NLK: variants seen among roughly 807,000 people sequenced by gnomAD.
NLK encodes the protein nemo like kinase, also known as serine/threonine-protein kinase NLK.
Under a neutral mutation model 59.0 loss-of-function variants are expected in NLK, and 11 were observed. The ratio of observed to expected loss-of-function variants is 0.19; its 90% confidence interval spans 0.12 to 0.31. The LOEUF is 0.31. Ranked by LOEUF, NLK falls within the 10% of genes least tolerant of loss-of-function variation. NLK has a pLI of 1.00. For missense variants in NLK, 410 were observed against 661.1 expected, an observed-to-expected ratio of 0.62 and a Z score of 4.16; for synonymous variants, 235 against 235.9, an observed-to-expected ratio of 1.00 and a Z score of 0.03.
At chr17:28,076,941 CTGATA>C (rs1279845220) in intron 1 of NLK, among the ~76,000 whole-genome samples, 4 of 152,016 alleles carry the variant, frequency 2.6e-5, no homozygotes, top group African/African-American at 2.4e-5. Context: ...TATATTCAGT[CTGATA>C]TAAGTAAAAT....
chr17:28,192,306 A>G (rs1909333561), intron 10 of NLK, 93 bp downstream of exon 10: 1 of 708,472 alleles, frequency 1.4e-6, no homozygotes, highest in Admixed American at 2.6e-5. Flanking sequence ...TATTTAGATA[A>G]CATAGATAAA....
At chr17:28,198,615 G>A (rs534324185), downstream of NLK, among the ~76,000 whole-genome samples, 27 of 152,282 alleles carry the variant, frequency 1.8e-4, no homozygotes, top group African/African-American at 5.8e-4. Context: ...GTGAGCCACC[G>A]TGCCTGGCCA....
At chr17:28,101,884 G>A (rs1168995840) in intron 1 of NLK, among the ~76,000 whole-genome samples, 3 of 151,972 alleles carry the variant, frequency 2.0e-5, no homozygotes, top group African/African-American at 7.3e-5. Flanking sequence ...GGTATAAAAT[G>A]TCTCTATTTC....
chr17:28,043,882 A>G (rs918195173), intron 1 of NLK, among the ~76,000 whole-genome samples: 13 of 152,240 alleles, frequency 8.5e-5, no homozygotes, highest in African/African-American at 3.1e-4. Context: ...TTTAAACCAT[A>G]AAGCTACAGT....
intron 1 of NLK, chr17:28,061,904 C>T (rs1026034429): frequency 7.9e-5 from 11 of 138,904 alleles, no homozygotes; most frequent in Non-Finnish European, 1.5e-4. Flanking sequence ...CATATACATA[C>T]ATATATACAT....
intron 3 of NLK, among the ~76,000 whole-genome samples, chr17:28,144,505 G>A (rs1425303658): frequency 6.6e-6 from 1 of 151,806 alleles, no homozygotes; most frequent in Non-Finnish European, 1.5e-5. Flanking sequence ...AATGCTGTCA[G>A]TGCTCCCAAC....
rs1320609140 is a variant in NLK, at chr17:28,062,292, C to T, written c.458+18961C>T. Reference sequence around the variant, plus strand: ...CCTCATGATCAAAAGAGTTCTGTGTCTAATACTAACTTTTTGACCATTTCC... The same window carrying T: ...CCTCATGATCAAAAGAGTTCTGTGTTTAATACTAACTTTTTGACCATTTCC... On this transcript the variant is annotated intron_variant, in intron 1 of 10. Coordinates refer to ENST00000407008, the MANE Select transcript of NLK (RefSeq NM_016231.5). Among the ~76,000 whole-genome samples the T allele has an allele frequency of 2.6e-5, 4 of 152,064 alleles. No individual in the cohort carries two copies. In the East Asian group the frequency reaches 7.7e-4, roughly 29 times the overall value.
intron 1 of NLK, among the ~76,000 whole-genome samples, chr17:28,113,571 C>T (rs534365198): frequency 6.6e-6 from 1 of 152,196 alleles, no homozygotes; most frequent in Non-Finnish European, 1.5e-5. Context: ...GGGAGTGTCT[C>T]TTAGCATGCT....
rs1038611279 is a variant in NLK, at chr17:28,189,996, G to A, written c.1237-1025G>A. On this transcript the variant is annotated intron_variant, in intron 8 of 10. Transcript: ENST00000407008. ...TGATAAAAGTGTTTTTAGGGAATCCGGGCTTATGAGAAACATTTCATTATT... is the reference window on the plus strand; with the variant it reads ...TGATAAAAGTGTTTTTAGGGAATCCAGGCTTATGAGAAACATTTCATTATT... Among the ~76,000 whole-genome samples the A allele has an allele frequency of 1.1e-4, 17 of 151,820 alleles. 1 individual carries two copies. The highest frequency in any genetic ancestry group is 9.2e-4 in the Admixed American group (14 of 15,246).
intron 1 of NLK, among the ~76,000 whole-genome samples, chr17:28,068,453 T>G (rs1328306929): frequency 6.6e-6 from 1 of 152,194 alleles, no homozygotes; most frequent in Admixed American, 6.5e-5. Context: ...AAAATGATAT[T>G]TGTTTTTAGG....
intron 3 of NLK, among the ~76,000 whole-genome samples, chr17:28,150,740 T>C (rs1334805620): frequency 1.3e-5 from 2 of 152,174 alleles, no homozygotes; most frequent in East Asian, 3.9e-4. Context: ...ACTTAACTAA[T>C]TGCTGCAATC....
chr17:28,111,899 GTGTGTGTGTGT>G (rs1567717092), intron 1 of NLK, among the ~76,000 whole-genome samples: 253 of 76,202 alleles, frequency 3.3e-3, no homozygotes, highest in African/African-American at 0.013. Flanking sequence ...TGTGTGTGGT[GTGTGTGTGTGT>G]GTGTGTGTGT....
At position 28,160,140 on chromosome 17, in the gene NLK, A is replaced by G. The variant is rs116588529; in HGVS notation, c.645-1020A>G. ...TAAAGGCATGGCACTGGATCCGAGT[A>G]TCCACGAGTGTGGATAGGGAAGAGG... is the stretch of plus-strand genomic sequence containing the variant. On this transcript the variant is annotated intron_variant, in intron 3 of 10. Coordinates refer to ENST00000407008, the MANE Select transcript of NLK (RefSeq NM_016231.5). Among the ~76,000 whole-genome samples the G allele has an allele frequency of 6.3e-3, 960 of 152,346 alleles. 7 individuals carry two copies. Among genetic ancestry groups the G allele is most frequent in the African/African-American group, 0.023 (937 of 41,586 alleles).
chr17:28,112,720 A>G (rs79465105), intron 1 of NLK, among the ~76,000 whole-genome samples: 2,540 of 152,212 alleles, frequency 0.017, 71 homozygotes, highest in African/African-American at 0.059. Context: ...AAGCACATCT[A>G]TATATTGTAG....
chr17:28,126,465 T>C (rs1000557363), intron 2 of NLK, among the ~76,000 whole-genome samples: 21 of 152,194 alleles, frequency 1.4e-4, no homozygotes, highest in African/African-American at 4.8e-4. Context: ...AATATGAGCC[T>C]TTTGAGAACA....
chr17:28,185,827 C>T (rs1484873400), intron 8 of NLK, among the ~76,000 whole-genome samples: 34 of 152,014 alleles, frequency 2.2e-4, no homozygotes, highest in Admixed American at 2.2e-3. Flanking sequence ...TGTGAGCCAC[C>T]GCGCCCGGCC....
chr17:28,045,785 A>G (rs938135051), intron 1 of NLK, among the ~76,000 whole-genome samples: 1 of 152,244 alleles, frequency 6.6e-6, no homozygotes, highest in African/African-American at 2.4e-5. Flanking sequence ...AACCCAAGGT[A>G]AAGATATTAG....
chr17:28,093,629 T>A (rs757347635), intron 1 of NLK, among the ~76,000 whole-genome samples: 16 of 152,222 alleles, frequency 1.1e-4, no homozygotes, highest in Non-Finnish European at 1.6e-4. Context: ...AAGACTTTAA[T>A]CCAATCCCAG....
intron 1 of NLK, among the ~76,000 whole-genome samples, chr17:28,091,779 C>T (rs1411229961): frequency 6.6e-6 from 1 of 152,102 alleles, no homozygotes; most frequent in Non-Finnish European, 1.5e-5. Context: ...TGCAGTATCC[C>T]AGAAGAAACA....
Sources: gnomAD v4.1 joint callset for allele counts (sites outside exome capture counted in the v4.1 genomes callset) on GRCh38, gnomAD v4.1.1 for gene constraint, MANE v1.5 for transcripts, NCBI Gene and HGNC (gene_info 2026-07-23, HGNC 2026-07-21) for gene names.